RASSF2: variants seen among roughly 807,000 people sequenced by gnomAD.
RASSF2 encodes the protein Ras association domain family member 2.
RASSF2 carries 34 observed loss-of-function variants against 46.3 expected under a neutral mutation model. The ratio of observed to expected loss-of-function variants is 0.73; its 90% CI spans 0.56 to 0.98. The LOEUF (loss-of-function observed/expected upper bound fraction) is 0.98, where lower values mean the gene tolerates loss of function less well. Among genes scored for constraint, RASSF2 ranks in the 50% least tolerant of loss-of-function variants. RASSF2 has a pLI of 0.00. For missense variants in RASSF2, 364 were observed against 431.2 expected (o/e 0.84, Z 1.38); for synonymous variants, 158 against 162.5 (o/e 0.97, Z 0.21).
At chr20:4,808,727 C>T (rs1326815649) in intron 2 of RASSF2, among the ~76,000 whole-genome samples, 1 of 152,092 alleles carries the variant, frequency 6.6e-6, no homozygotes, top group Non-Finnish European at 1.5e-5. Context: ...CTCAAGCAAT[C>T]CTCCTGTTTT....
At chr20:4,801,591 A>G (rs1926873643) in intron 2 of RASSF2, among the ~76,000 whole-genome samples, 1 of 152,190 alleles carries the variant, frequency 6.6e-6, no homozygotes, top group South Asian at 2.1e-4. Flanking sequence ...TAACAAAACT[A>G]TGGGTCTAAT....
chr20:4,780,940 G>A lies in RASSF2; in HGVS notation c.*3333C>T, dbSNP rs563694631. On this transcript the variant is annotated 3_prime_UTR_variant, in exon 12 of 12. Transcript: ENST00000379400. ...GCTGAGATCCCACCACTGCACTCCA[G>A]CCTGGGAAACAGAACCAGACTCTGT... 9.9e-5 allele frequency: 15 copies of A among 150,866 alleles called. No individual in the cohort carries two copies. The highest frequency in any genetic ancestry group is 3.2e-4 in the African/African-American group (13 of 40,808). 9.3% of individuals were successfully genotyped at this position (150,866 alleles called of 1,614,324 possible).
intron 2 of RASSF2, among the ~76,000 whole-genome samples, chr20:4,817,528 C>T (rs778165515): frequency 5.3e-5 from 8 of 152,174 alleles, no homozygotes; most frequent in Non-Finnish European, 1.2e-4. Context: ...TGGTCACAAC[C>T]TAGGAATGCA....
intron 2 of RASSF2, among the ~76,000 whole-genome samples, chr20:4,817,567 T>C (rs139462925): frequency 1.3e-5 from 2 of 152,272 alleles, no homozygotes; most frequent in African/African-American, 4.8e-5. Flanking sequence ...CTTGGGTGTC[T>C]ATAACTTTGC....
In RASSF2 at chr20:4,792,573, G is replaced by C; in HGVS notation, c.342C>G (p.Ala114=). Residue 114 remains alanine (A), a synonymous_variant, in exon 6 of 12, where the codon GCC becomes GCG. Transcript: ENST00000379400. ...VPKVQISEVD[A]PPEGDQMPSS... is the part of the protein sequence containing the mutation. ...TTGGCATCTGGTCACCCTCCGGCGG[G>C]GCATCCACCTCTGAGATCTGAACTT... The C allele has an allele frequency of 6.2e-7, 1 of 1,614,052 alleles. No individual in the cohort carries two copies. Among genetic ancestry groups the C allele is most frequent in the South Asian group, 1.1e-5 (1 of 91,072 alleles).
Position 4,792,531 on chromosome 20 carries a change from A to G in RASSF2, c.376+8T>C, listed in dbSNP as rs771958428. On this transcript the variant is annotated splice_region_variant and intron_variant, in intron 6 of 11. Coordinates refer to ENST00000379400, the MANE Select transcript of RASSF2 (RefSeq NM_014737.3). ...CCCTAGCTGGAAGTACCTTCCACTC[A>G]CATGTACCTGTGGAGCTTGGCATCT... is the stretch of plus-strand genomic sequence containing the variant. 6.2e-7 allele frequency: 1 copy of G among 1,614,096 alleles called. No individual in the cohort carries two copies. Among genetic ancestry groups the G allele is most frequent in the Admixed American group, 1.7e-5 (1 of 60,008 alleles).
chr20:4,792,523 T>A lies in RASSF2; in HGVS notation c.376+16A>T. On this transcript the variant is annotated intron_variant, in intron 6 of 11. Coordinates refer to ENST00000379400, the MANE Select transcript of RASSF2 (RefSeq NM_014737.3). ...CAGTTGGTCCCTAGCTGGAAGTACC[T>A]TCCACTCACATGTACCTGTGGAGCT... The A allele has an allele frequency of 1.9e-6, 3 of 1,614,016 alleles. No homozygotes were observed. The highest frequency in any genetic ancestry group is 2.5e-6 in the Non-Finnish European group (3 of 1,179,978).
chr20:4,819,107 C>A (rs111585074), intron 2 of RASSF2, among the ~76,000 whole-genome samples: 1 of 152,062 alleles, frequency 6.6e-6, no homozygotes, highest in Admixed American at 6.6e-5. Flanking sequence ...GGATTACAGG[C>A]GCCCGCCACC....
chr20:4,803,044 C>T (rs1192753702), intron 2 of RASSF2, among the ~76,000 whole-genome samples: 3 of 151,702 alleles, frequency 2.0e-5, no homozygotes, highest in Non-Finnish European at 2.9e-5. Context: ...CAAGTAGCTG[C>T]GACTAAAGGC....
chr20:4,791,049 C>T (rs141179859), intron 6 of RASSF2, among the ~76,000 whole-genome samples: 14 of 152,280 alleles, frequency 9.2e-5, no homozygotes, highest in East Asian at 5.8e-4. Context: ...ATGCTACCCA[C>T]GGATGAACCT....
rs1926522971 is a variant in RASSF2 at position 4,798,207 on chromosome 20, C to T, written c.60-122G>A. 3.5e-6 allele frequency: 5 copies of T among 1,433,600 alleles called. No homozygotes were observed. In the Admixed American group the frequency reaches 1.1e-4, roughly 30 times the overall value. 88.8% of individuals were successfully genotyped at this position (1,433,600 alleles called of 1,614,324 possible). A position where few individuals can be genotyped will look rare whatever the true frequency, so the allele number is the denominator to read the frequency against. ...TCACCCCACTTTGGGTAACTGTCCA[C>T]ATGTACATACACACACATGCACATG... On this transcript the variant is annotated intron_variant, in intron 3 of 11. Transcript: ENST00000379400.
At chr20:4,787,935 C>A (rs181552281) in intron 9 of RASSF2, among the ~76,000 whole-genome samples, 181 bp from the exon 10 acceptor site, 3 of 152,268 alleles carry the variant, frequency 2.0e-5, no homozygotes, top group African/African-American at 7.2e-5. Context: ...CACCCCTCAA[C>A]AATACCACCA....
chr20:4,804,277 T>C (rs780918216), intron 2 of RASSF2, among the ~76,000 whole-genome samples: 48 of 151,260 alleles, frequency 3.2e-4, no homozygotes, highest in South Asian at 2.1e-4. Context: ...GGAAGAATAA[T>C]CTGATCATGA....
At chr20:4,796,572 T>C (rs1926372387) in intron 4 of RASSF2, among the ~76,000 whole-genome samples, 1 of 152,228 alleles carries the variant, frequency 6.6e-6, no homozygotes, top group Non-Finnish European at 1.5e-5. Context: ...TGTAATAAAC[T>C]AACGGGCTAA....
At chr20:4,822,969 G>A (rs772437353) in intron 1 of RASSF2, among the ~76,000 whole-genome samples, 21 of 152,106 alleles carry the variant, frequency 1.4e-4, no homozygotes, top group Non-Finnish European at 2.4e-4. Flanking sequence ...TTCCCATCGC[G>A]GGCTCAAAAA....
chr20:4,784,085 GCAGGGGTC>G lies in RASSF2; in HGVS notation c.*180_*187del. On this transcript the variant is annotated 3_prime_UTR_variant, in exon 12 of 12. Coordinates refer to ENST00000379400, the MANE Select transcript of RASSF2 (RefSeq NM_014737.3). ...GTCCTTGTGAGCAGAAAAAAGGAGG[GCAGGGGTC>G]CAGGGATAGGGAGCTGTCTGCTGAC... The G allele has an allele frequency of 1.6e-6, 1 of 618,574 alleles. No individual in the cohort carries two copies. The highest frequency in any genetic ancestry group is 2.9e-6 in the Non-Finnish European group (1 of 346,146). The allele number at this position is 618,574 out of a possible 1,614,324, so 38.3% of individuals were successfully genotyped here. A position where few individuals can be genotyped will look rare whatever the true frequency, so the allele number is the denominator to read the frequency against.
chr20:4,799,542 C>G (rs989397580), intron 3 of RASSF2, among the ~76,000 whole-genome samples: 11 of 152,154 alleles, frequency 7.2e-5, no homozygotes, highest in African/African-American at 2.4e-4. Flanking sequence ...CCAAGAAAAT[C>G]CTGACAAGTT....
chr20:4,802,851 A>G lies in RASSF2; in HGVS notation c.-32-1789T>C, dbSNP rs568634916. Among the ~76,000 whole-genome samples, 18 of 150,736 alleles carry G rather than the reference A, an allele frequency of 1.2e-4. No individual in the cohort carries two copies. The East Asian group carries it at 1.6e-3, about 13-fold the overall frequency. On this transcript the variant is annotated intron_variant, in intron 2 of 11. Transcript: ENST00000379400. ...TGGTAAATTTTATGTGTATTTTACC[A>G]CTATATACATATACACGTGTATGTG...
chr20:4,797,957 A>G (rs1295462978), intron 4 of RASSF2, 53 bp downstream of exon 4: 6 of 1,609,332 alleles, frequency 3.7e-6, no homozygotes, highest in South Asian at 2.2e-5. Context: ...CCCAGGACAC[A>G]TGGTGACAAG....
Sources: allele counts gnomAD v4.1 joint callset (sites outside exome capture counted in the v4.1 genomes callset), GRCh38; gene constraint gnomAD v4.1.1; transcripts MANE v1.5; gene names NCBI Gene and HGNC (gene_info 2026-07-23, HGNC 2026-07-21).